TANC1: variants seen among roughly 807,000 people sequenced by gnomAD.
TANC1 encodes protein TANC1.
In TANC1, 77 loss-of-function variants were observed where a neutral mutation model predicts 149.7. The ratio of observed to expected loss-of-function variants is 0.51; its 90% CI spans 0.43 to 0.62. The LOEUF is 0.62. Among genes scored for constraint, TANC1 ranks in the 20% least tolerant of loss-of-function variants. The pLI is 0.00. For synonymous variants in TANC1, 854 were observed against 925.0 expected, an observed-to-expected ratio of 0.92 and a Z score of 1.39; for missense variants, 1,985 against 2,321.8, an observed-to-expected ratio of 0.85 and a Z score of 2.98.
At chr2:159,194,571 C>T in intron 17 of TANC1, 78 bp downstream of exon 17, 1 of 1,265,122 alleles carries the variant, frequency 7.9e-7, no homozygotes, top group African/African-American at 1.5e-5. Context: ...ATTTGCTGGG[C>T]CAGACTCTCT....
chr2:159,127,501 C>G (rs2049581111), intron 4 of TANC1, among the ~76,000 whole-genome samples: 1 of 152,216 alleles, frequency 6.6e-6, no homozygotes, highest in Non-Finnish European at 1.5e-5. Context: ...TAAAGACGTG[C>G]ACACGTATGT....
chr2:159,211,229 C>T (rs1265925754), intron 19 of TANC1, among the ~76,000 whole-genome samples: 1 of 152,224 alleles, frequency 6.6e-6, no homozygotes, highest in Non-Finnish European at 1.5e-5. Context: ...CTTCTCAAGA[C>T]AGGACAGTGT....
rs1276349142 is a variant in TANC1 at position 159,230,520 on chromosome 2, T to C, written c.5094T>C (p.Asp1698=). The change falls in exon 27 of 27, where the codon GAT becomes GAC. Residue 1698 remains aspartate, a synonymous_variant. Coordinates refer to ENST00000263635, the MANE Select transcript of TANC1 (RefSeq NM_033394.3). This position sits in a 1 kb window ranked among gnomAD's most constrained non-coding sequence, Gnocchi z 4.4. Reference sequence around the variant, plus strand: ...ATGGCTTCAAGGTCCAAGGACCAGATACTAGAATTAAAGACAAGGTTGTAA... The same window carrying C: ...ATGGCTTCAAGGTCCAAGGACCAGACACTAGAATTAAAGACAAGGTTGTAA... ...FSDGFKVQGP[D]TRIKDKVVTH... 3 of 1,614,178 alleles carry C rather than the reference T, an allele frequency of 1.9e-6. No homozygotes were observed. The highest frequency in any genetic ancestry group is 2.5e-6 in the Non-Finnish European group (3 of 1,180,036).
chr2:159,118,517 G>A (rs749614225), intron 4 of TANC1, among the ~76,000 whole-genome samples: 1 of 152,164 alleles, frequency 6.6e-6, no homozygotes, highest in Non-Finnish European at 1.5e-5. Context: ...TTGTTGCCTT[G>A]TTAACTAAGG....
Position 159,213,069 on chromosome 2 carries a change from C to T in TANC1, c.3245-4428C>T, listed in dbSNP as rs556996247. On this transcript the variant is annotated intron_variant, in intron 19 of 26. Coordinates refer to ENST00000263635, the MANE Select transcript of TANC1 (RefSeq NM_033394.3). ...TGATAGAAATCTCTAGTGATGTAGT[C>T]ATCCTTCTCTTCTTGGTAATAGAAA... Among the ~76,000 whole-genome samples the T allele has an allele frequency of 2.0e-5, 3 of 152,282 alleles. No homozygotes were observed. In the South Asian group the frequency reaches 6.2e-4, roughly 32 times the overall value.
At chr2:159,094,903 C>A (rs374793873) in intron 3 of TANC1, among the ~76,000 whole-genome samples, 1 of 151,948 alleles carries the variant, frequency 6.6e-6, no homozygotes, top group South Asian at 2.1e-4. Context: ...GCATGAATGT[C>A]CTTATTTTTG....
chr2:159,178,063 G>T (rs1374708132), intron 13 of TANC1, among the ~76,000 whole-genome samples: 1 of 152,240 alleles, frequency 6.6e-6, no homozygotes, highest in Non-Finnish European at 1.5e-5. Context: ...CACAGCCCAG[G>T]GGCAGACTCA....
At chr2:159,095,188 C>T (rs953219752) in intron 3 of TANC1, among the ~76,000 whole-genome samples, 3 of 151,978 alleles carry the variant, frequency 2.0e-5, no homozygotes, top group Admixed American at 6.6e-5. Flanking sequence ...CCTCGTGATT[C>T]GCTTGCTTCG....
At chr2:159,036,454 C>T (rs1382020879) in intron 2 of TANC1, among the ~76,000 whole-genome samples, 1 of 152,122 alleles carries the variant, frequency 6.6e-6, no homozygotes, top group Non-Finnish European at 1.5e-5. Context: ...TGGTTTGCTG[C>T]ACCCATTAAG....
Position 159,217,614 on chromosome 2 carries a change from G to A in TANC1, c.3362G>A (p.Arg1121His), listed in dbSNP as rs373390309. The change falls in exon 20 of 27, where the codon CGC (arginine) becomes CAC (histidine). Residue 1121 changes from arginine to histidine, a missense_variant. Coordinates refer to ENST00000263635, the MANE Select transcript of TANC1 (RefSeq NM_033394.3). ...RGVPPLFCAA[R>H]QGHWQIVRLL... ...GTTCCACCTTTGTTTTGTGCAGCAC[G>A]CCAGGGGCATTGGCAGGTACCCAGG... 1.0e-4 allele frequency: 167 copies of A among 1,614,032 alleles called. No homozygotes were observed. The highest frequency in any genetic ancestry group is 1.3e-4 in the Non-Finnish European group (156 of 1,180,034).
At chr2:159,120,638 T>C (rs1277692094) in intron 4 of TANC1, among the ~76,000 whole-genome samples, 6 of 152,322 alleles carry the variant, frequency 3.9e-5, no homozygotes, top group South Asian at 2.1e-4. Flanking sequence ...CTAAAAATTA[T>C]GTATTTCAGG....
intron 1 of TANC1, among the ~76,000 whole-genome samples, chr2:158,990,941 C>T (rs750829263): frequency 1.3e-4 from 19 of 151,506 alleles, no homozygotes; most frequent in Admixed American, 3.3e-4. Flanking sequence ...GGCATGGTGG[C>T]GGGCGGCTCC....
At chr2:159,198,480 A>G (rs1241998811) in intron 18 of TANC1, among the ~76,000 whole-genome samples, 2 of 152,188 alleles carry the variant, frequency 1.3e-5, no homozygotes, top group African/African-American at 2.4e-5. Context: ...CTGCCTCCAT[A>G]CCTGTGACTT....
Position 159,227,929 on chromosome 2 carries a change from C to G in TANC1, c.4014C>G (p.Leu1338=), listed in dbSNP as rs1269649384. The stretch of plus-strand genomic sequence containing the variant: ...CCTTCAATGAATTAAGGGTTTCCCT[C>G]TATCTCAATTTGTCGCGATGCCGAA... The part of the protein sequence containing the change: ...MRPFNELRVS[L]YLNLSRCRRK... Residue 1338 remains leucine (L), a synonymous_variant, in exon 25 of 27, where the codon CTC becomes CTG. Coordinates refer to ENST00000263635, the MANE Select transcript of TANC1 (RefSeq NM_033394.3). 3 of 1,613,592 alleles carry G rather than the reference C, an allele frequency of 1.9e-6. No individual in the cohort carries two copies. The highest frequency in any genetic ancestry group is 2.5e-6 in the Non-Finnish European group (3 of 1,179,888).
intron 10 of TANC1, among the ~76,000 whole-genome samples, chr2:159,171,252 T>G (rs1393987292): frequency 6.6e-6 from 1 of 152,256 alleles, no homozygotes; most frequent in African/African-American, 2.4e-5. Flanking sequence ...AGCCAAATGT[T>G]TGACTATTTA....
chr2:158,988,416 T>C (rs530548409), intron 1 of TANC1, among the ~76,000 whole-genome samples: 2 of 152,120 alleles, frequency 1.3e-5, no homozygotes, highest in Non-Finnish European at 2.9e-5. Flanking sequence ...TGGGATAATT[T>C]TTACTTTCTC....
At chr2:159,209,712 A>G (rs1483964150) in intron 19 of TANC1, among the ~76,000 whole-genome samples, 1 of 151,592 alleles carries the variant, frequency 6.6e-6, no homozygotes, top group East Asian at 1.9e-4. Flanking sequence ...ACATTTTACC[A>G]TTGAGATAAA....
intron 19 of TANC1, among the ~76,000 whole-genome samples, chr2:159,213,337 C>A (rs1236180821): frequency 2.0e-5 from 3 of 151,970 alleles, no homozygotes; most frequent in Non-Finnish European, 4.4e-5. Flanking sequence ...ACAGCAGGGA[C>A]CAGAACTGGT....
At chr2:159,006,142 C>T (rs1431632084) in intron 2 of TANC1, among the ~76,000 whole-genome samples, 1 of 151,694 alleles carries the variant, frequency 6.6e-6, no homozygotes, top group Non-Finnish European at 1.5e-5. Flanking sequence ...ACTGAAAATA[C>T]AAAAATTAGC....
Sources: allele counts gnomAD v4.1 joint callset (sites outside exome capture counted in the v4.1 genomes callset), GRCh38; gene constraint gnomAD v4.1.1; non-coding constraint Gnocchi (gnomAD v3.1); transcripts MANE v1.5; gene names NCBI Gene and HGNC (gene_info 2026-07-23, HGNC 2026-07-21).